The following KCNIP4 variants were observed in gnomAD, a reference collection of about 807,000 sequenced individuals.
The protein encoded by KCNIP4 is potassium voltage-gated channel interacting protein 4.
A neutral mutation model predicts 34.0 loss-of-function variants in KCNIP4; 12 were observed. The observed-to-expected ratio is 0.35, with a 90% CI of 0.23 to 0.57. The LOEUF is 0.57. Among genes scored for constraint, KCNIP4 ranks in the 20% least tolerant of loss-of-function variants. The pLI is 0.83. For synonymous variants in KCNIP4, 124 were observed against 102.2 expected (o/e 1.21, Z -1.29); for missense variants, 238 against 311.7 (o/e 0.76, Z 1.78).
At chr4:21,287,091 CT>C (rs1190539083) in intron 1 of KCNIP4, among the ~76,000 whole-genome samples, 2 of 152,128 alleles carry the variant, frequency 1.3e-5, no homozygotes, top group African/African-American at 2.4e-5. Flanking sequence ...TCCTCTCCCC[CT>C]GGAAGCATTG....
intron 1 of KCNIP4, among the ~76,000 whole-genome samples, chr4:21,261,836 C>T (rs1761493153): frequency 1.3e-5 from 2 of 152,160 alleles, no homozygotes; most frequent in South Asian, 4.1e-4. Flanking sequence ...TACAGAATGA[C>T]AGCCCTGCTT....
chr4:21,747,266 T>C (rs1477117186), intron 1 of KCNIP4, among the ~76,000 whole-genome samples: 2 of 152,144 alleles, frequency 1.3e-5, no homozygotes, highest in Non-Finnish European at 2.9e-5. Context: ...TTGAGAATCC[T>C]TAGCAGGTCA....
chr4:20,984,090 G>T, intron 1 of KCNIP4: 1 of 1,081,656 alleles, frequency 9.2e-7, no homozygotes, highest in Non-Finnish European at 1.3e-6. Flanking sequence ...CCGGGGTGAG[G>T]ACAGACCTGG....
At chr4:21,434,771 GA>G (rs59106181) in intron 1 of KCNIP4, among the ~76,000 whole-genome samples, 19,783 of 128,464 alleles carry the variant, frequency 0.15, 1,482 homozygotes, top group Middle Eastern at 0.23. Context: ...TCTGTGGGGG[GA>G]AAAAAAAAAA....
intron 1 of KCNIP4, among the ~76,000 whole-genome samples, chr4:20,957,586 C>CACCA (rs35032711): frequency 0.63 from 95,452 of 151,138 alleles, 30,323 homozygotes; most frequent in East Asian, 0.74. Flanking sequence ...GTAGCCTTCT[C>CACCA]ACCAACCAAC....
At position 21,822,772 on chromosome 4, in the gene KCNIP4, C is replaced by T. The variant is rs1429750897; in HGVS notation, c.61+125799G>A. ...TCACTTTTTCACCCAGGCTGGAGCG[C>T]GGTGGCGCAATCTTGGCTCACTGCA... is the stretch of plus-strand genomic sequence containing the variant. On this transcript the variant is annotated intron_variant, in intron 1 of 8. Transcript: ENST00000382152. Among the ~76,000 whole-genome samples the T allele has an allele frequency of 8.1e-5, 12 of 147,780 alleles. 1 individual carries two copies. The highest frequency in any genetic ancestry group is 6.4e-4 in the South Asian group (3 of 4,714).
chr4:21,136,913 G>A lies in KCNIP4; in HGVS notation c.62-254204C>T, dbSNP rs146819751. On this transcript the variant is annotated intron_variant, in intron 1 of 8. Coordinates refer to ENST00000382152, the MANE Select transcript of KCNIP4 (RefSeq NM_025221.6). ...CCTCCTTTCTCCAACAAGACCTCTC[G>A]TACCTTTTTATGATGCTATACAAGC... is the stretch of plus-strand genomic sequence containing the variant. Among the ~76,000 whole-genome samples the A allele has an allele frequency of 7.3e-3, 1,103 of 151,984 alleles. 21 individuals carry two copies. Among genetic ancestry groups the A allele is most frequent in the African/African-American group, 0.025 (1,039 of 41,404 alleles).
Position 21,590,746 on chromosome 4 carries a change from T to C in KCNIP4, c.61+357825A>G, listed in dbSNP as rs1371781170. ...ATCTTCAATGCACAGTACATGTTATTAGTTTATTGTTTTGTAGAGAAGGGA... is the reference window on the plus strand; with the variant it reads ...ATCTTCAATGCACAGTACATGTTATCAGTTTATTGTTTTGTAGAGAAGGGA... On this transcript the variant is annotated intron_variant, in intron 1 of 8. Coordinates refer to ENST00000382152, the MANE Select transcript of KCNIP4 (RefSeq NM_025221.6). 3.3e-5 allele frequency among the ~76,000 whole-genome samples: 5 copies of C among 152,148 alleles called. No homozygotes were observed. The East Asian group carries it at 9.7e-4, about 29-fold the overall frequency.
At position 21,533,139 on chromosome 4, in the gene KCNIP4, T is replaced by C. The variant is rs573230271; in HGVS notation, c.61+415432A>G. On this transcript the variant is annotated intron_variant, in intron 1 of 8. Transcript: ENST00000382152. ...TTTTAGAGAGCCAATTATTGATGTT[T>C]AAAGTCTGTAAATCATGAAGGTAGC... 9.5e-4 allele frequency among the ~76,000 whole-genome samples: 144 copies of C among 152,072 alleles called. 2 individuals carry two copies. The highest frequency in any genetic ancestry group is 3.3e-3 in the African/African-American group (135 of 41,470).
At chr4:21,102,122 T>C (rs948337942) in intron 1 of KCNIP4, among the ~76,000 whole-genome samples, 1 of 152,176 alleles carries the variant, frequency 6.6e-6, no homozygotes, top group Non-Finnish European at 1.5e-5. Context: ...ACAAAGACAA[T>C]GTAATACGAT....
At position 21,924,239 on chromosome 4, in the gene KCNIP4, ATTTCT is replaced by A. The variant is rs1306208752; in HGVS notation, c.61+24327_61+24331del. ...GAGGACAATTTCTATTAATGAATAT[ATTTCT>A]TTTTTTTTTTTTTTTTTGAGACGGA... On this transcript the variant is annotated intron_variant, in intron 1 of 8. Coordinates refer to ENST00000382152, the MANE Select transcript of KCNIP4 (RefSeq NM_025221.6). Among the ~76,000 whole-genome samples, 222 of 120,188 alleles carry A rather than the reference ATTTCT, an allele frequency of 1.8e-3. 1 individual carries two copies. Among genetic ancestry groups the A allele is most frequent in the Non-Finnish European group, 3.1e-3 (189 of 61,348 alleles). The allele number at this position is 120,188 out of a possible 152,430, so 78.8% of individuals were successfully genotyped here. A position where few individuals can be genotyped will look rare whatever the true frequency, so the allele number is the denominator to read the frequency against.
chr4:21,223,050 C>A (rs1174555260), intron 1 of KCNIP4, among the ~76,000 whole-genome samples: 1 of 152,130 alleles, frequency 6.6e-6, no homozygotes, highest in Non-Finnish European at 1.5e-5. Context: ...AAATATGTTA[C>A]CTTACATAAT....
intron 1 of KCNIP4, among the ~76,000 whole-genome samples, chr4:21,345,915 T>C (rs1717263724): frequency 6.6e-6 from 1 of 150,566 alleles, no homozygotes. Context: ...GAGGATTTGA[T>C]GAAGGCAGGT....
In KCNIP4 at chr4:21,151,406, A is replaced by ATTTTTTTTTTTTTTTTTTTT. The variant is rs35983306; in HGVS notation, c.62-268717_62-268698dup. ...GAATGGATGTCTTCAACAAAAGACA[A>ATTTTTTTTTTTTTTTTTTTT]TTTTTTTTTTTTTTTTTTTTTTTTT... On this transcript the variant is annotated intron_variant, in intron 1 of 8. Transcript: ENST00000382152. 3.9e-5 allele frequency among the ~76,000 whole-genome samples: 2 copies of ATTTTTTTTTTTTTTTTTTTT among 51,276 alleles called. 1 individual carries two copies. The highest frequency in any genetic ancestry group is 1.2e-4 in the African/African-American group (2 of 16,454). The allele number at this position is 51,276 out of a possible 152,430, so 33.6% of individuals were successfully genotyped here.
chr4:21,052,733 T>C (rs999345526), intron 1 of KCNIP4, among the ~76,000 whole-genome samples: 1 of 152,158 alleles, frequency 6.6e-6, no homozygotes, highest in Admixed American at 6.6e-5. Flanking sequence ...CTCCTCTGTC[T>C]CTTTCAGGCT....
At chr4:21,860,221 C>T (rs1056526971) in intron 1 of KCNIP4, among the ~76,000 whole-genome samples, 5 of 152,142 alleles carry the variant, frequency 3.3e-5, no homozygotes, top group Non-Finnish European at 7.4e-5. Context: ...GCAACTTCTG[C>T]CTCCTGGGTT....
At chr4:21,280,470 T>C (rs6828426) in intron 1 of KCNIP4, among the ~76,000 whole-genome samples, 86,536 of 151,968 alleles carry the variant, frequency 0.57, 27,295 homozygotes, top group African/African-American at 0.86. Flanking sequence ...TGCACCATCA[T>C]TTCTAGTAAC....
intron 1 of KCNIP4, among the ~76,000 whole-genome samples, chr4:21,594,760 T>G (rs931743114): frequency 7.4e-6 from 1 of 135,218 alleles, no homozygotes; most frequent in East Asian, 2.0e-4. Flanking sequence ...ATTTAAAACT[T>G]CTGCACATAA....
chr4:20,826,619 A>AACAG lies in KCNIP4; in HGVS notation c.288+23923_288+23924insCTGT, dbSNP rs563377093. ...AAACAAACAAACAAACAAACAAACA[A>AACAG]AAATACAAAAGAGAGAGTGATGGCT... is the stretch of plus-strand genomic sequence containing the variant. On this transcript the variant is annotated intron_variant, in intron 3 of 8. Transcript: ENST00000382152. Among the ~76,000 whole-genome samples, 108 of 150,710 alleles carry AACAG rather than the reference A, an allele frequency of 7.2e-4. 1 individual carries two copies. The highest frequency in any genetic ancestry group is 3.4e-3 in the Middle Eastern group (1 of 294).
Sources: allele counts gnomAD v4.1 joint callset (sites outside exome capture counted in the v4.1 genomes callset), GRCh38; gene constraint gnomAD v4.1.1; transcripts MANE v1.5; gene names NCBI Gene and HGNC (gene_info 2026-07-23, HGNC 2026-07-21).